CCDC180: variants seen among roughly 807,000 people sequenced by gnomAD.
CCDC180 encodes the protein coiled-coil domain containing 180.
In CCDC180, 154 loss-of-function variants were observed where a neutral mutation model predicts 209.2. That is an observed-to-expected ratio of 0.74 (90% CI 0.65 to 0.84). CCDC180 has a LOEUF of 0.84. Among genes scored for constraint, CCDC180 ranks in the 40% least tolerant of loss-of-function variants. The pLI, the probability that CCDC180 is intolerant of heterozygous loss-of-function variation, is 0.00. For synonymous variants in CCDC180, 778 were observed against 749.1 expected (o/e 1.04, Z -0.63); for missense variants, 1,874 against 1,997.3 (o/e 0.94, Z 1.18).
intron 3 of CCDC180, 129 bp from the exon 4 acceptor site, chr9:97,311,984 G>A: frequency 1.3e-6 from 1 of 748,138 alleles, no homozygotes; most frequent in South Asian, 1.6e-5. Context: ...TCTGGAATTG[G>A]GGTGTGCCTG....
intron 19 of CCDC180, 95 bp from the exon 20 acceptor site, chr9:97,347,219 A>G: frequency 8.5e-7 from 1 of 1,183,060 alleles, no homozygotes; most frequent in South Asian, 1.6e-5. Flanking sequence ...ATGAAGAATG[A>G]GTGAAAGGGG....
intron 18 of CCDC180, among the ~76,000 whole-genome samples, chr9:97,332,162 T>A (rs956168663): frequency 3.0e-4 from 45 of 152,334 alleles, no homozygotes; most frequent in African/African-American, 1.0e-3. Context: ...TCCTCACTGC[T>A]TGTTTTTGTC....
At position 97,365,586 on chromosome 9, in the gene CCDC180, C is replaced by T. The variant is rs541359834; in HGVS notation, c.3981-87C>T. ...AAGGAGTGTCACGGCCAAAACAGAG[C>T]ACTTGGAAAGTTCTGTTCATGTGGT... On this transcript the variant is annotated intron_variant, in intron 29 of 36. Transcript: ENST00000529487. The T allele has an allele frequency of 1.9e-4, 225 of 1,208,308 alleles. 5 individuals carry two copies. In the South Asian group the frequency reaches 2.7e-3, roughly 14 times the overall value. 74.8% of individuals were successfully genotyped at this position (1,208,308 alleles called of 1,614,324 possible). A position where few individuals can be genotyped will look rare whatever the true frequency, so the allele number is the denominator to read the frequency against.
Position 97,361,721 on chromosome 9 carries a change from T to C in CCDC180, c.3484-5T>C. 1 of 1,613,722 alleles carries C rather than the reference T, an allele frequency of 6.2e-7. No individual in the cohort carries two copies. The highest frequency in any genetic ancestry group is 2.2e-5 in the East Asian group (1 of 44,878). ...CACCCTCAGGCCCTTCTCTCTGGCC[T>C]GCAGAACACCATCCTGAAGGACCAG... is the stretch of plus-strand genomic sequence containing the variant. On this transcript the variant is annotated splice_polypyrimidine_tract_variant and splice_region_variant and intron_variant, in intron 26 of 36. Coordinates refer to ENST00000529487, the MANE Select transcript of CCDC180 (RefSeq NM_020893.6).
intron 36 of CCDC180, 113 bp downstream of exon 36, chr9:97,375,702 A>G: frequency 1.5e-6 from 2 of 1,342,442 alleles, no homozygotes; most frequent in Non-Finnish European, 2.1e-6. Context: ...GCAGCAGGCA[A>G]CACATGTCAG....
chr9:97,360,213 G>A (rs978111956), intron 26 of CCDC180, 112 bp downstream of exon 26: 7 of 1,293,850 alleles, frequency 5.4e-6, no homozygotes, highest in South Asian at 2.8e-5. Context: ...CCAGGCCTCC[G>A]CGGGACATCA....
At chr9:97,349,486 C>G (rs1467109347) in intron 21 of CCDC180, among the ~76,000 whole-genome samples, 195 bp downstream of exon 21, 1 of 152,210 alleles carries the variant, frequency 6.6e-6, no homozygotes, top group African/African-American at 2.4e-5. Flanking sequence ...AGGGAGTGAG[C>G]AGCCAGAGAG....
rs1462624720 is a variant in CCDC180, at chr9:97,362,275, T to C, written c.3736T>C (p.Ser1246Pro). ...QTGRGAWACGSRGSSEAGAGG... is the reference protein window; with the variant it reads ...QTGRGAWACGPRGSSEAGAGG... Reference sequence around the variant, plus strand: ...AGGTAGAGGCGCATGGGCCTGTGGGTCTCGGGGCAGCAGTGAGGCAGGGGC... The same window carrying C: ...AGGTAGAGGCGCATGGGCCTGTGGGCCTCGGGGCAGCAGTGAGGCAGGGGC... Residue 1246 changes from serine to proline, a missense_variant, in exon 28 of 37, where the codon TCT (serine) becomes CCT (proline). Coordinates refer to ENST00000529487, the MANE Select transcript of CCDC180 (RefSeq NM_020893.6). The C allele has an allele frequency of 6.2e-7, 1 of 1,613,932 alleles. No individual in the cohort carries two copies. The highest frequency in any genetic ancestry group is 1.3e-5 in the African/African-American group (1 of 74,868).
chr9:97,328,714 G>T (rs924323527), intron 16 of CCDC180, among the ~76,000 whole-genome samples: 3 of 152,050 alleles, frequency 2.0e-5, no homozygotes, highest in Admixed American at 1.3e-4. Flanking sequence ...CAAGAGAAAG[G>T]CTCCCACTCA....
chr9:97,329,508 C>T (rs1263615683), intron 16 of CCDC180, among the ~76,000 whole-genome samples: 1 of 152,234 alleles, frequency 6.6e-6, no homozygotes, highest in Non-Finnish European at 1.5e-5. Flanking sequence ...TTCCATCTAG[C>T]ACAGAATGCA....
At chr9:97,342,241 C>T (rs1218125325) in intron 18 of CCDC180, among the ~76,000 whole-genome samples, 1 of 152,250 alleles carries the variant, frequency 6.6e-6, no homozygotes, top group African/African-American at 2.4e-5. Context: ...ATGCAAAAAT[C>T]ACCCATCTTC....
At position 97,350,416 on chromosome 9, in the gene CCDC180, ACT is replaced by A. The variant is rs1424838842; in HGVS notation, c.2867_2868del (p.Leu956GlnfsTer10). The A allele has an allele frequency of 2.6e-6, 4 of 1,534,764 alleles. No individual in the cohort carries two copies. Among genetic ancestry groups the A allele is most frequent in the Middle Eastern group, 1.9e-4 (1 of 5,360 alleles). ...LNATRSQKLV[T>X]LSNTLHQELL... ...CTCCTCTGTCTCCCACAGGCTGGTC[ACT>A]CTCAGCAACACACTGCACCAGGAGT... On this transcript the variant is annotated frameshift_variant, in exon 22 of 37. Transcript: ENST00000529487. LOFTEE classifies it high-confidence loss of function.
chr9:97,355,045 A>G (rs750664709), intron 24 of CCDC180, 37 bp downstream of exon 24: 1 of 1,381,338 alleles, frequency 7.2e-7, no homozygotes, highest in East Asian at 2.3e-5. Context: ...GATCTTTATC[A>G]CACACACCTG....
At chr9:97,308,708 T>G (rs955339229) in intron 2 of CCDC180, among the ~76,000 whole-genome samples, 3 of 152,258 alleles carry the variant, frequency 2.0e-5, no homozygotes, top group African/African-American at 7.2e-5. Flanking sequence ...ATTCTTCCTT[T>G]GAAGTTCTGT....
intron 6 of CCDC180, 30 bp downstream of exon 6, chr9:97,314,551 C>G (rs764036192): frequency 6.2e-7 from 1 of 1,613,640 alleles, no homozygotes; most frequent in Non-Finnish European, 8.5e-7. Flanking sequence ...TGGGCCTGCC[C>G]CACCCAGGTC....
chr9:97,369,602 C>T (rs149033812), intron 31 of CCDC180: 4 of 223,992 alleles, frequency 1.8e-5, no homozygotes, highest in African/African-American at 9.3e-5. Flanking sequence ...CATGTACCAC[C>T]ATGCCTGGCT....
intron 18 of CCDC180, among the ~76,000 whole-genome samples, chr9:97,340,648 T>C (rs1483410176): frequency 6.6e-6 from 1 of 152,240 alleles, no homozygotes; most frequent in Non-Finnish European, 1.5e-5. Context: ...GCAAGCCTTC[T>C]GTTACGCGCA....
At chr9:97,327,923 T>G in intron 15 of CCDC180, 97 bp from the exon 16 acceptor site, 1 of 1,348,826 alleles carries the variant, frequency 7.4e-7, no homozygotes, top group Non-Finnish European at 1.0e-6. Context: ...ACACAGCAGC[T>G]CTACACAGAG....
intron 23 of CCDC180, 51 bp downstream of exon 23, chr9:97,354,764 C>T (rs766332295): frequency 4.1e-5 from 66 of 1,610,064 alleles, no homozygotes; most frequent in Non-Finnish European, 5.5e-5. Context: ...GTATCCCTTG[C>T]TCAACTCCCT....
Sources: gnomAD v4.1 joint callset for allele counts (sites outside exome capture counted in the v4.1 genomes callset) on GRCh38, gnomAD v4.1.1 for gene constraint, MANE v1.5 for transcripts, NCBI Gene and HGNC (gene_info 2026-07-23, HGNC 2026-07-21) for gene names.